The following RNF38 variants were observed in gnomAD, a reference collection of about 807,000 sequenced individuals.
RNF38 encodes ring finger protein 38.
A neutral mutation model predicts 67.2 loss-of-function variants in RNF38; 15 were observed. That is an observed-to-expected ratio of 0.22 (90% CI 0.15 to 0.34). RNF38 has a LOEUF of 0.34. Among genes scored for constraint, RNF38 ranks in the 10% least tolerant of loss-of-function variants. The pLI is 1.00. For synonymous variants in RNF38, 220 were observed against 218.8 expected, an observed-to-expected ratio of 1.01 and a Z score of -0.05; for missense variants, 524 against 639.9, an observed-to-expected ratio of 0.82 and a Z score of 1.95.
intron 1 of RNF38, among the ~76,000 whole-genome samples, chr9:36,439,274 TG>T (rs1313228118): frequency 2.0e-5 from 3 of 152,334 alleles, no homozygotes; most frequent in Non-Finnish European, 4.4e-5. Context: ...TAGACCTAGA[TG>T]TGAGATGTGA....
intron 2 of RNF38, among the ~76,000 whole-genome samples, chr9:36,384,209 TAGATA>T (rs1272252795): frequency 1.3e-5 from 2 of 152,152 alleles, no homozygotes; most frequent in African/African-American, 4.8e-5. Context: ...GCTATAATTA[TAGATA>T]AGAGACTAAA....
intron 2 of RNF38, among the ~76,000 whole-genome samples, chr9:36,387,710 G>A: frequency 6.6e-6 from 1 of 152,028 alleles, no homozygotes; most frequent in East Asian, 1.9e-4. Flanking sequence ...TTTTAAATAT[G>A]GGTTTTTATA....
intron 1 of RNF38, among the ~76,000 whole-genome samples, chr9:36,478,844 T>C (rs1034781366): frequency 6.8e-6 from 1 of 147,718 alleles, no homozygotes; most frequent in Non-Finnish European, 1.5e-5. Context: ...AAAAGATTAG[T>C]GGGCGCATCC....
At chr9:36,459,485 T>A (rs1261188898) in intron 1 of RNF38, among the ~76,000 whole-genome samples, 5 of 152,128 alleles carry the variant, frequency 3.3e-5, no homozygotes, top group African/African-American at 1.2e-4. Context: ...GTACACTGAG[T>A]ATTTTGTATT....
intron 1 of RNF38, among the ~76,000 whole-genome samples, chr9:36,459,586 C>G (rs191926351): frequency 1.3e-4 from 20 of 152,226 alleles, no homozygotes; most frequent in Admixed American, 1.2e-3. Flanking sequence ...TTGTATTTAA[C>G]ACCCTGGATA....
In RNF38 at chr9:36,339,452, G is replaced by A; in HGVS notation, c.*300C>T. The A allele has an allele frequency of 2.8e-6, 1 of 362,350 alleles. No homozygotes were observed. The highest frequency in any genetic ancestry group is 5.1e-6 in the Non-Finnish European group (1 of 195,504). 22.4% of individuals were successfully genotyped at this position (362,350 alleles called of 1,614,324 possible). ...CACATGCTAAAAGATCACGTCCACTGTAATCTTGCAGCAACACTCGGAATG... is the reference window on the plus strand; with the variant it reads ...CACATGCTAAAAGATCACGTCCACTATAATCTTGCAGCAACACTCGGAATG... On this transcript the variant is annotated 3_prime_UTR_variant, in exon 12 of 12. Coordinates refer to ENST00000259605, the MANE Select transcript of RNF38 (RefSeq NM_022781.5).
rs184081291 is a variant in RNF38 at position 36,341,305 on chromosome 9, G to A, written c.1485+1020C>T. Reference sequence around the variant, plus strand: ...CTTTTAAAATAATTTAAGACTCTTTGTCTTCAGGATTGAGTTTGGGCTAAA... The same window carrying A: ...CTTTTAAAATAATTTAAGACTCTTTATCTTCAGGATTGAGTTTGGGCTAAA... On this transcript the variant is annotated intron_variant, in intron 11 of 11. Transcript: ENST00000259605. Among the ~76,000 whole-genome samples, 4 of 152,128 alleles carry A rather than the reference G, an allele frequency of 2.6e-5. No individual in the cohort carries two copies. In the East Asian group the frequency reaches 7.7e-4, roughly 29 times the overall value.
chr9:36,357,066 A>C (rs1005870169), intron 5 of RNF38, among the ~76,000 whole-genome samples: 1 of 152,224 alleles, frequency 6.6e-6, no homozygotes, highest in Non-Finnish European at 1.5e-5. Context: ...AGTTACATTT[A>C]AATTTTGCTG....
At chr9:36,384,338 G>A (rs1836434415) in intron 2 of RNF38, among the ~76,000 whole-genome samples, 1 of 152,238 alleles carries the variant, frequency 6.6e-6, no homozygotes, top group Non-Finnish European at 1.5e-5. Flanking sequence ...TCTGTAAACA[G>A]CTGAAGCTCA....
At chr9:36,487,633 G>A (rs1156481271), upstream of RNF38, 1 of 955,334 alleles carries the variant, frequency 1.0e-6, no homozygotes, top group South Asian at 4.6e-5. Context: ...GCCCCGGCCG[G>A]CAGCAGCGGT....
chr9:36,392,261 G>A (rs1030945246), intron 1 of RNF38, among the ~76,000 whole-genome samples: 5 of 152,122 alleles, frequency 3.3e-5, no homozygotes, highest in Non-Finnish European at 7.4e-5. Context: ...GACTCACCTA[G>A]AAGTAAAAAA....
At chr9:36,425,926 G>A (rs947703885) in intron 1 of RNF38, among the ~76,000 whole-genome samples, 1 of 152,174 alleles carries the variant, frequency 6.6e-6, no homozygotes, top group Non-Finnish European at 1.5e-5. Flanking sequence ...TTGAACTCCT[G>A]ACCTCATGAT....
At chr9:36,365,974 A>G (rs541056900) in intron 4 of RNF38, among the ~76,000 whole-genome samples, 1 of 152,176 alleles carries the variant, frequency 6.6e-6, no homozygotes, top group African/African-American at 2.4e-5. Flanking sequence ...CAAGACTGAT[A>G]GTTAACTTCT....
At chr9:36,340,021 C>T (rs1053282533) in intron 11 of RNF38, among the ~76,000 whole-genome samples, 22 of 152,078 alleles carry the variant, frequency 1.4e-4, no homozygotes, top group Admixed American at 4.6e-4. Flanking sequence ...CTCTTGTTGC[C>T]CAGGCTGGAG....
intron 1 of RNF38, among the ~76,000 whole-genome samples, chr9:36,438,733 T>G (rs62546163): frequency 6.6e-6 from 1 of 152,072 alleles, no homozygotes; most frequent in Non-Finnish European, 1.5e-5. Context: ...TATTTCTACC[T>G]GAAAGAAAGA....
chr9:36,484,857 T>C (rs185056688), intron 1 of RNF38, among the ~76,000 whole-genome samples: 67 of 152,306 alleles, frequency 4.4e-4, no homozygotes, highest in African/African-American at 1.6e-3. Context: ...TATTCAACTG[T>C]ATGGGTCTAT....
intron 6 of RNF38, among the ~76,000 whole-genome samples, chr9:36,354,302 C>G (rs894426901): frequency 2.0e-5 from 3 of 152,178 alleles, no homozygotes; most frequent in African/African-American, 7.2e-5. Context: ...AAGCAATTCT[C>G]CTGCCTCAGC....
At chr9:36,442,945 A>G (rs1305892057) in intron 1 of RNF38, among the ~76,000 whole-genome samples, 1 of 152,174 alleles carries the variant, frequency 6.6e-6, no homozygotes, top group African/African-American at 2.4e-5. Flanking sequence ...GCTCACCCAA[A>G]TTCTTCAATG....
intron 9 of RNF38, among the ~76,000 whole-genome samples, chr9:36,350,171 G>C (rs148570111): frequency 3.2e-4 from 49 of 152,282 alleles, no homozygotes; most frequent in Non-Finnish European, 7.1e-4. Flanking sequence ...TTTCTTGGGT[G>C]CCTTGTCAAA....
Sources: allele counts gnomAD v4.1 joint callset (sites outside exome capture counted in the v4.1 genomes callset), GRCh38; gene constraint gnomAD v4.1.1; transcripts MANE v1.5; gene names NCBI Gene and HGNC (gene_info 2026-07-23, HGNC 2026-07-21).